KAZN: variants seen among roughly 807,000 people sequenced by gnomAD.
The protein encoded by KAZN is kazrin.
In KAZN, 40 loss-of-function variants were observed where a neutral mutation model predicts 87.4. The ratio of observed to expected loss-of-function variants is 0.46; its 90% CI spans 0.36 to 0.60. KAZN has a LOEUF of 0.60. KAZN is among the 20% of genes least tolerant of loss of function. The probability of loss-of-function intolerance (pLI) is 0.00; values close to 1 mark genes in which losing one functional copy is unlikely to be tolerated. For missense variants in KAZN, 898 were observed against 1,073.9 expected (o/e 0.84, Z 2.29); for synonymous variants, 466 against 458.3 (o/e 1.02, Z -0.22).
chr1:14,417,012 A>ATGTATATATATG (rs1557704671), intron 2 of KAZN, among the ~76,000 whole-genome samples: 57 of 3,694 alleles, frequency 0.015, no homozygotes, highest in African/African-American at 0.02. Flanking sequence ...ATATATATGT[A>ATGTATATATATG]CACACACACA....
intron 2 of KAZN, among the ~76,000 whole-genome samples, chr1:14,283,024 A>G (rs1048609006): frequency 6.6e-6 from 1 of 152,228 alleles, no homozygotes; most frequent in Admixed American, 6.5e-5. Flanking sequence ...GGTGACTAAC[A>G]GAATGGAAGC....
chr1:14,984,944 T>G (rs1005922723), intron 2 of KAZN, among the ~76,000 whole-genome samples: 5 of 151,602 alleles, frequency 3.3e-5, no homozygotes, highest in African/African-American at 1.2e-4. Context: ...AAGACCAGCC[T>G]GGCCAATATG....
rs147995303 is a variant in KAZN, at chr1:13,913,635, G to GTTA, written c.91+19882_91+19884dup. Among the ~76,000 whole-genome samples, 1,336 of 152,322 alleles carry GTTA rather than the reference G, an allele frequency of 8.8e-3. 13 individuals are homozygous for GTTA. The highest frequency in any genetic ancestry group is 0.03 in the African/African-American group (1,262 of 41,560). ...CTGGCCTCAGGGGAGATAAAGCCAT[G>GTTA]TTATTGCATGGCCCTGCTTTCAGCT... is the stretch of plus-strand genomic sequence containing the variant. On this transcript the variant is annotated intron_variant, in intron 1 of 16. Coordinates refer to the KAZN transcript ENST00000636203.
At position 14,928,548 on chromosome 1, in the gene KAZN, C is replaced by T. The variant is rs1659435406; in HGVS notation, c.227-32136C>T. Among the ~76,000 whole-genome samples, 3 of 152,234 alleles carry T rather than the reference C, an allele frequency of 2.0e-5. No individual in the cohort carries two copies. In the South Asian group the frequency reaches 6.2e-4, roughly 32 times the overall value. ...AAAAAAAAGTTTGTCCTCTCCTTGA[C>T]ATTCCTTGTTTTAAGCAACGCAAGC... is the stretch of plus-strand genomic sequence containing the variant. On this transcript the variant is annotated intron_variant, in intron 1 of 14. Transcript: ENST00000376030.
intron 2 of KAZN, among the ~76,000 whole-genome samples, chr1:14,473,541 C>T (rs1031197199): frequency 1.3e-5 from 2 of 151,378 alleles, no homozygotes; most frequent in East Asian, 1.9e-4. Flanking sequence ...GCAGGAGAAT[C>T]GCTTGAACCG....
At chr1:14,124,020 A>T (rs1156304433) in intron 1 of KAZN, among the ~76,000 whole-genome samples, 2 of 152,184 alleles carry the variant, frequency 1.3e-5, no homozygotes, top group African/African-American at 4.8e-5. Context: ...GACCCAGGTA[A>T]GGGTCTACCT....
chr1:14,182,657 T>G (rs1646222499), intron 2 of KAZN, among the ~76,000 whole-genome samples: 1 of 152,158 alleles, frequency 6.6e-6, no homozygotes, highest in South Asian at 2.1e-4. Context: ...ATATGTGATT[T>G]TGAGTTTTGA....
chr1:14,142,447 C>T (rs376926455), intron 1 of KAZN, among the ~76,000 whole-genome samples: 7 of 152,158 alleles, frequency 4.6e-5, no homozygotes, highest in African/African-American at 1.2e-4. Flanking sequence ...CCTACCTGGG[C>T]GAGCATTTTC....
chr1:14,713,797 A>AAAAAAGAAAGAAAG (rs1553215138), intron 1 of KAZN, among the ~76,000 whole-genome samples: 17 of 95,672 alleles, frequency 1.8e-4, no homozygotes, highest in African/African-American at 5.9e-4. Flanking sequence ...AAAAAAAAAA[A>AAAAAAGAAAGAAAG]AAAGAAAGAA....
At position 14,116,569 on chromosome 1, in the gene KAZN, G is replaced by A. The variant is rs530900763; in HGVS notation, c.92-63866G>A. On this transcript the variant is annotated intron_variant, in intron 1 of 16. Transcript: ENST00000636203. ...AGGCAGAAGTTTGCTGCAGGGGCAG[G>A]GTTTTCATAGAGAGCCTCTGCTAGG... Among the ~76,000 whole-genome samples, 29 of 152,356 alleles carry A rather than the reference G, an allele frequency of 1.9e-4. No homozygotes were observed. The South Asian group carries it at 4.8e-3, about 25-fold the overall frequency.
intron 1 of KAZN, among the ~76,000 whole-genome samples, chr1:14,778,939 G>T (rs1645255228): frequency 1.3e-5 from 2 of 152,124 alleles, no homozygotes; most frequent in South Asian, 4.1e-4. Context: ...CTGGCACCTG[G>T]GTGGGAACAC....
At chr1:14,293,217 G>A (rs1653851176) in intron 2 of KAZN, among the ~76,000 whole-genome samples, 1 of 152,138 alleles carries the variant, frequency 6.6e-6, no homozygotes, top group Admixed American at 6.5e-5. Context: ...CAGCCCCGAA[G>A]GGAACCAATA....
chr1:14,325,586 A>G (rs1488801117), intron 2 of KAZN, among the ~76,000 whole-genome samples: 1 of 152,182 alleles, frequency 6.6e-6, no homozygotes, highest in Non-Finnish European at 1.5e-5. Flanking sequence ...AATGGTCAAA[A>G]GTTTCCATAT....
chr1:14,417,258 A>G (rs764962449), intron 2 of KAZN, among the ~76,000 whole-genome samples: 2 of 152,174 alleles, frequency 1.3e-5, no homozygotes, highest in African/African-American at 2.4e-5. Flanking sequence ...CCATTGATGA[A>G]ATCACACTTC....
chr1:14,615,644 G>C (rs1033417024), intron 1 of KAZN, among the ~76,000 whole-genome samples: 1 of 151,920 alleles, frequency 6.6e-6, no homozygotes, highest in African/African-American at 2.4e-5. Context: ...AAAAAAAGAG[G>C]AGCAGAGGGG....
chr1:14,535,598 G>C (rs1672457951), intron 2 of KAZN, among the ~76,000 whole-genome samples: 1 of 151,950 alleles, frequency 6.6e-6, no homozygotes, highest in African/African-American at 2.4e-5. Context: ...CCAGGGAATA[G>C]GGGGTTGCAG....
intron 1 of KAZN, among the ~76,000 whole-genome samples, chr1:14,025,399 T>C (rs959800340): frequency 3.3e-5 from 5 of 152,210 alleles, no homozygotes; most frequent in Non-Finnish European, 7.3e-5. Context: ...ATACAGTAGT[T>C]AGACCAGCAT....
Position 15,094,893 on chromosome 1 carries a change from C to T in KAZN, c.1507C>T (p.Leu503=). 6.4e-7 allele frequency: 1 copy of T among 1,550,626 alleles called. No individual in the cohort carries two copies. The highest frequency in any genetic ancestry group is 8.7e-7 in the Non-Finnish European group (1 of 1,146,794). Residue 503 remains leucine, a synonymous_variant, in exon 10 of 15, where the codon CTG becomes TTG. Transcript: ENST00000376030. This position sits in a 1 kb window ranked among gnomAD's most constrained non-coding sequence, Gnocchi z 4.5. The part of the protein sequence containing the change: ...CSSLHRRKLR[L]AIEDYRDAEA... ...CTCCCTGCACCGGCGCAAGCTGCGC[C>T]TGGCCATCGAGGACTACCGTGATGC...
At chr1:14,046,552 C>T (rs919616928) in intron 1 of KAZN, among the ~76,000 whole-genome samples, 7 of 152,136 alleles carry the variant, frequency 4.6e-5, no homozygotes, top group Non-Finnish European at 7.3e-5. Context: ...GTCATTTTTC[C>T]TCCCGCATAG....
Sources: allele counts gnomAD v4.1 joint callset (sites outside exome capture counted in the v4.1 genomes callset), GRCh38; gene constraint gnomAD v4.1.1; non-coding constraint Gnocchi (gnomAD v3.1); transcripts MANE v1.5; gene names NCBI Gene and HGNC (gene_info 2026-07-23, HGNC 2026-07-21).